The following BIN1 variants were observed in gnomAD, a reference collection of about 807,000 sequenced individuals.
BIN1 encodes myc box-dependent-interacting protein 1.
BIN1 carries 53 observed loss-of-function variants against 82.0 expected under a neutral mutation model. That is an observed-to-expected ratio of 0.65 (90% confidence interval 0.52 to 0.81). The LOEUF is 0.81. Ranked by LOEUF, BIN1 falls within the 40% of genes least tolerant of loss-of-function variation. The probability of loss-of-function intolerance (pLI) is 0.00; values close to 1 mark genes in which losing one functional copy is unlikely to be tolerated. For missense variants in BIN1, 642 were observed against 784.4 expected (o/e 0.82, Z 2.17); for synonymous variants, 302 against 328.0 (o/e 0.92, Z 0.86).
At chr2:127,069,902 C>A (rs1314317170) in intron 5 of BIN1, 93 bp downstream of exon 5, 1 of 1,347,732 alleles carries the variant, frequency 7.4e-7, no homozygotes, top group East Asian at 2.5e-5. Flanking sequence ...CCAGGACAGC[C>A]TCCTCCTGGC....
chr2:127,080,237 G>A (rs1183628405), intron 1 of BIN1, among the ~76,000 whole-genome samples: 1 of 152,242 alleles, frequency 6.6e-6, no homozygotes, highest in Admixed American at 6.5e-5. Flanking sequence ...AAGGCCGTGA[G>A]CCCTGGGACA....
chr2:127,104,124 G>A (rs1333674676), intron 1 of BIN1, among the ~76,000 whole-genome samples: 1 of 152,248 alleles, frequency 6.6e-6, no homozygotes, highest in Non-Finnish European at 1.5e-5. Flanking sequence ...CTGTGTCCAG[G>A]CAGGATTTGA....
Position 127,089,559 on chromosome 2 carries a change from A to G in BIN1, c.85-12853T>C, listed in dbSNP as rs367624080. Reference sequence around the variant, plus strand: ...GCAGTGCCCAGAGATGTCCAGGAGGAAGGTGCAGACACAATGGCCAGGAAC... The same window carrying G: ...GCAGTGCCCAGAGATGTCCAGGAGGGAGGTGCAGACACAATGGCCAGGAAC... On this transcript the variant is annotated intron_variant, in intron 1 of 18. Coordinates refer to ENST00000316724, the MANE Select transcript of BIN1 (RefSeq NM_139343.3). 5.3e-5 allele frequency among the ~76,000 whole-genome samples: 8 copies of G among 152,182 alleles called. No individual in the cohort carries two copies. In the East Asian group the frequency reaches 1.4e-3, roughly 26 times the overall value.
In BIN1 at chr2:127,066,131, CA is replaced by C. The variant is rs563301876; in HGVS notation, c.612+2031del. On this transcript the variant is annotated intron_variant, in intron 7 of 18. Transcript: ENST00000316724. ...CACTATCTCCCCAAAGTCAAGTTCC[CA>C]AGCAGGGCAGCCCCGGAGTCCCAGC... 2.5e-4 allele frequency among the ~76,000 whole-genome samples: 38 copies of C among 152,272 alleles called. No homozygotes were observed. The South Asian group carries it at 7.9e-3, about 32-fold the overall frequency.
intron 11 of BIN1, among the ~76,000 whole-genome samples, chr2:127,058,501 C>A (rs962934199): frequency 7.2e-5 from 11 of 152,118 alleles, no homozygotes; most frequent in African/African-American, 2.7e-4. Context: ...AAGGACAGTC[C>A]AGAAGCCCAG....
chr2:127,076,901 T>C (rs1468405538), intron 1 of BIN1, among the ~76,000 whole-genome samples, 195 bp from the exon 2 acceptor site: 1 of 151,974 alleles, frequency 6.6e-6, no homozygotes, highest in African/African-American at 2.4e-5. Flanking sequence ...CTCCCCACCC[T>C]CTACCCAGGG....
intron 17 of BIN1, 100 bp from the exon 18 acceptor site, chr2:127,050,622 G>A: frequency 7.1e-7 from 1 of 1,408,472 alleles, no homozygotes; most frequent in Non-Finnish European, 1.0e-6. Context: ...GCAGTATGGA[G>A]ACCAGGAGTG....
intron 18 of BIN1, among the ~76,000 whole-genome samples, chr2:127,049,344 C>T (rs1682583172): frequency 6.6e-6 from 1 of 152,108 alleles, no homozygotes; most frequent in African/African-American, 2.4e-5. Context: ...GGCTGGCCCA[C>T]TAGGAGGTCC....
rs375697182 is a variant in BIN1, at chr2:127,063,608, G to A, written c.737C>T (p.Ala246Val). The part of the protein sequence containing the change: ...GFYVNTFQSI[A>V]GLEENFHKEM... ...CTTGTGGAAGTTTTCCTCCAGGCCC[G>A]CGATGCTCTGGAACGTGTTGACGTA... The change falls in exon 9 of 19, where the codon GCG becomes GTG. Residue 246 changes from alanine (A) to valine (V), a missense_variant. By Grantham distance (64) the Ala-to-Val change is moderately conservative (BLOSUM62 0). Transcript: ENST00000316724. 1.9e-5 allele frequency: 31 copies of A among 1,613,802 alleles called. No individual in the cohort carries two copies. Among genetic ancestry groups the A allele is most frequent in the South Asian group, 5.5e-5 (5 of 91,036 alleles).
intron 11 of BIN1, among the ~76,000 whole-genome samples, 175 bp downstream of exon 11, chr2:127,058,836 G>A (rs912689250): frequency 3.3e-5 from 5 of 152,208 alleles, no homozygotes; most frequent in African/African-American, 1.2e-4. Context: ...AGCATGCCAG[G>A]CTGGATGGGG....
intron 1 of BIN1, among the ~76,000 whole-genome samples, chr2:127,099,889 C>A (rs1043490587): frequency 1.3e-5 from 2 of 151,748 alleles, no homozygotes; most frequent in African/African-American, 4.8e-5. Flanking sequence ...CTGCAACCTC[C>A]GCCTTGCAGG....
intron 7 of BIN1, 147 bp from the exon 8 acceptor site, chr2:127,064,165 A>G: frequency 1.1e-6 from 1 of 904,146 alleles, no homozygotes. Flanking sequence ...CTGGATGTGG[A>G]CACCCATGCT....
chr2:127,084,801 T>G (rs925766800), intron 1 of BIN1, among the ~76,000 whole-genome samples: 1 of 152,198 alleles, frequency 6.6e-6, no homozygotes, highest in Non-Finnish European at 1.5e-5. Flanking sequence ...AGCTGCCCTC[T>G]GAGCCCATTG....
chr2:127,080,874 GT>G (rs1454710465), intron 1 of BIN1, among the ~76,000 whole-genome samples: 1 of 152,238 alleles, frequency 6.6e-6, no homozygotes, highest in African/African-American at 2.4e-5. Context: ...GGCCTCGGCT[GT>G]GGAAGGAAAC....
Position 127,069,035 on chromosome 2 carries a change from G to A in BIN1, c.412-4C>T. 6.2e-7 allele frequency: 1 copy of A among 1,613,760 alleles called. No individual in the cohort carries two copies. On this transcript the variant is annotated splice_polypyrimidine_tract_variant and splice_region_variant and intron_variant, in intron 5 of 18. Coordinates refer to ENST00000316724, the MANE Select transcript of BIN1 (RefSeq NM_139343.3). ...GCCCCCGCTTGGCAATGCGTGACTG[G>A]GGCAGACAGAGGAGGGCACTAAGCG...
In BIN1 at chr2:127,068,381, T is replaced by C. The variant is rs1017933266; in HGVS notation, c.520-126A>G. The C allele has an allele frequency of 1.3e-5, 8 of 622,542 alleles. No individual in the cohort carries two copies. Among genetic ancestry groups the C allele is most frequent in the African/African-American group, 9.6e-5 (5 of 52,222 alleles). 38.6% of individuals were successfully genotyped at this position (622,542 alleles called of 1,614,324 possible). A position where few individuals can be genotyped will look rare whatever the true frequency, so the allele number is the denominator to read the frequency against. On this transcript the variant is annotated intron_variant, in intron 6 of 18. Coordinates refer to ENST00000316724, the MANE Select transcript of BIN1 (RefSeq NM_139343.3). The surrounding 1 kb of genome is among the most constrained non-coding windows in gnomAD (Gnocchi z 4.9). ...GCGCGGGGGCCACCCCAAGCAGATATGGGCCCTTGAGGCCGAGAGAATTAG... is the reference window on the plus strand; with the variant it reads ...GCGCGGGGGCCACCCCAAGCAGATACGGGCCCTTGAGGCCGAGAGAATTAG...
intron 10 of BIN1, among the ~76,000 whole-genome samples, chr2:127,061,828 C>T (rs1178330592): frequency 6.6e-6 from 1 of 152,168 alleles, no homozygotes; most frequent in African/African-American, 2.4e-5. Flanking sequence ...CCCACCCCAA[C>T]CCTGGATGCT....
intron 1 of BIN1, among the ~76,000 whole-genome samples, chr2:127,077,786 C>T (rs371691920): frequency 6.6e-6 from 1 of 152,164 alleles, no homozygotes; most frequent in African/African-American, 2.4e-5. Context: ...GGGACACACC[C>T]GTCTGCAGCC....
At chr2:127,081,410 G>C (rs1028248305) in intron 1 of BIN1, among the ~76,000 whole-genome samples, 1 of 152,198 alleles carries the variant, frequency 6.6e-6, no homozygotes. Context: ...CCGGGTCTTC[G>C]GGCTCACCCG....
Sources: gnomAD v4.1 joint callset for allele counts (sites outside exome capture counted in the v4.1 genomes callset) on GRCh38, gnomAD v4.1.1 for gene constraint, Gnocchi (gnomAD v3.1) non-coding constraint, MANE v1.5 for transcripts, NCBI Gene and HGNC (gene_info 2026-07-23, HGNC 2026-07-21) for gene names.